CCDC15: variants seen among roughly 807,000 people sequenced by gnomAD.
The protein encoded by CCDC15 is coiled-coil domain-containing protein 15.
CCDC15 carries 105 observed loss-of-function variants against 114.5 expected under a neutral mutation model. The observed-to-expected ratio is 0.92, with a 90% confidence interval of 0.78 to 1.08. The LOEUF (loss-of-function observed/expected upper bound fraction) is 1.08. Ranked by LOEUF, CCDC15 falls within the 50% of genes least tolerant of loss-of-function variation. The pLI is 0.00. For missense variants in CCDC15, 1,105 were observed against 1,093.6 expected, an observed-to-expected ratio of 1.01 and a Z score of -0.15; for synonymous variants, 334 against 377.8, an observed-to-expected ratio of 0.88 and a Z score of 1.34.
At chr11:124,977,741 A>G (rs541270372) in intron 6 of CCDC15, 141 bp downstream of exon 6, 5 of 817,610 alleles carry the variant, frequency 6.1e-6, no homozygotes, top group Non-Finnish European at 8.6e-6. Flanking sequence ...ATACCATACA[A>G]TTCACCCATT....
At chr11:125,033,189 T>G (rs1255111056) in intron 13 of CCDC15, among the ~76,000 whole-genome samples, 1 of 152,202 alleles carries the variant, frequency 6.6e-6, no homozygotes, top group Non-Finnish European at 1.5e-5. Context: ...TTTGTCCACT[T>G]GACCTGGAAT....
chr11:124,986,935 T>C (rs1948176655), intron 7 of CCDC15, 47 bp downstream of exon 7: 2 of 1,489,112 alleles, frequency 1.3e-6, no homozygotes, highest in Admixed American at 2.5e-5. Flanking sequence ...GGACTAGGTA[T>C]TGCCAGTAAT....
intron 13 of CCDC15, among the ~76,000 whole-genome samples, chr11:125,023,547 C>T (rs1948675848): frequency 6.6e-6 from 1 of 151,920 alleles, no homozygotes; most frequent in African/African-American, 2.4e-5. Context: ...TGAAAAGATG[C>T]TCAAATCATA....
chr11:124,975,059 C>G lies in CCDC15; in HGVS notation c.517-37C>G, dbSNP rs1469294922. 4 of 1,347,264 alleles carry G rather than the reference C, an allele frequency of 3.0e-6. No homozygotes were observed. In the East Asian group the frequency reaches 9.8e-5, roughly 33 times the overall value. 83.5% of individuals were successfully genotyped at this position (1,347,264 alleles called of 1,614,324 possible). The stretch of plus-strand genomic sequence containing the variant: ...AGTGCATTTGGAATTAAAACTTATC[C>G]TGCTTTTGTTTGCTTTCTTCCCCCT... On this transcript the variant is annotated intron_variant, in intron 4 of 15. Transcript: ENST00000344762.
intron 4 of CCDC15, among the ~76,000 whole-genome samples, chr11:124,965,228 CT>C (rs1947753227): frequency 6.6e-6 from 1 of 152,178 alleles, no homozygotes; most frequent in South Asian, 2.1e-4. Flanking sequence ...ACCAGCTCCT[CT>C]TTGTACCTTT....
chr11:125,001,408 C>T (rs1948479788), intron 11 of CCDC15, among the ~76,000 whole-genome samples: 1 of 152,192 alleles, frequency 6.6e-6, no homozygotes, highest in Admixed American at 6.5e-5. Flanking sequence ...GACTATAATT[C>T]ACATATACAA....
At chr11:124,992,997 A>C (rs1282638330) in intron 10 of CCDC15, among the ~76,000 whole-genome samples, 172 bp from the exon 11 acceptor site, 1 of 149,382 alleles carries the variant, frequency 6.7e-6, no homozygotes, top group Non-Finnish European at 1.5e-5. Context: ...TTTTTTTTCT[A>C]CTTTGATGCA....
At chr11:124,964,503 CTT>C (rs1284656316) in intron 4 of CCDC15, among the ~76,000 whole-genome samples, 4 of 152,188 alleles carry the variant, frequency 2.6e-5, no homozygotes, top group African/African-American at 9.7e-5. Flanking sequence ...TATCCTGAGA[CTT>C]TGCTGAAGTT....
Position 125,038,995 on chromosome 11 carries a change from G to A in CCDC15, c.2660G>A (p.Cys887Tyr). Residue 887 changes from cysteine (C) to tyrosine (Y), a missense_variant, in exon 15 of 16, where the codon TGT (cysteine) becomes TAT (tyrosine). By Grantham distance (194) the Cys-to-Tyr change is radical. Coordinates refer to ENST00000344762, the MANE Select transcript of CCDC15 (RefSeq NM_025004.3). ...LYNITLPPLC[C>Y]CGPDFWDAHP... is the part of the protein sequence containing the mutation. ...AATATTACTTTACCTCCACTATGCT[G>A]TTGTGGTCCTGATTTTTGGGATGCT... 6.2e-7 allele frequency: 1 copy of A among 1,612,384 alleles called. No individual in the cohort carries two copies. Among genetic ancestry groups the A allele is most frequent in the South Asian group, 1.1e-5 (1 of 90,796 alleles).
Position 124,960,017 on chromosome 11 carries a change from C to A in CCDC15, c.516+14C>A, listed in dbSNP as rs2135429941. On this transcript the variant is annotated intron_variant, in intron 4 of 15. Transcript: ENST00000344762. ...CAAGCCCAGGCTGTAAGTACCTGTT[C>A]TTTTTATTTTATGTCTATGATATTT... 1 of 1,529,306 alleles carries A rather than the reference C, an allele frequency of 6.5e-7. No individual in the cohort carries two copies. Among genetic ancestry groups the A allele is most frequent in the Non-Finnish European group, 8.8e-7 (1 of 1,136,216 alleles). The allele number at this position is 1,529,306 out of a possible 1,614,324, so 94.7% of individuals were successfully genotyped here.
rs753271018 is a variant in CCDC15 at position 124,987,588 on chromosome 11, G to C, written c.1362G>C (p.Gln454His). ...YQDQDFLPRDQHVLHKDQDIL... is the reference protein window; with the variant it reads ...YQDQDFLPRDHHVLHKDQDIL... Reference sequence around the variant, plus strand: ...ACCAGGACTTCCTACCCAGAGACCAGCATGTTCTCCACAAAGACCAAGATA... The same window carrying C: ...ACCAGGACTTCCTACCCAGAGACCACCATGTTCTCCACAAAGACCAAGATA... Residue 454 changes from glutamine to histidine, a missense_variant, in exon 8 of 16, where the codon CAG becomes CAC. Coordinates refer to ENST00000344762, the MANE Select transcript of CCDC15 (RefSeq NM_025004.3). 21 of 1,613,602 alleles carry C rather than the reference G, an allele frequency of 1.3e-5. No homozygotes were observed. The highest frequency in any genetic ancestry group is 1.8e-5 in the Non-Finnish European group (21 of 1,179,796).
chr11:125,039,154 T>G lies in CCDC15; in HGVS notation c.2734+85T>G, dbSNP rs11219872. The G allele has an allele frequency of 1.6e-4, 201 of 1,293,810 alleles. 1 individual carries two copies. The East Asian group carries it at 3.5e-3, about 22-fold the overall frequency. 80.1% of individuals were successfully genotyped at this position (1,293,810 alleles called of 1,614,324 possible). On this transcript the variant is annotated intron_variant, in intron 15 of 15. Coordinates refer to ENST00000344762, the MANE Select transcript of CCDC15 (RefSeq NM_025004.3). ...GTGGTAATAGTAATTTACCATTTAT[T>G]GAGTGCTTACTATGTATCAGAGACT...
intron 11 of CCDC15, among the ~76,000 whole-genome samples, chr11:124,998,715 G>A (rs1469731094): frequency 2.7e-5 from 4 of 147,898 alleles, no homozygotes; most frequent in African/African-American, 1.0e-4. Flanking sequence ...ATGTTTTTAT[G>A]AAAAACTTGA....
intron 13 of CCDC15, among the ~76,000 whole-genome samples, chr11:125,022,339 CT>C (rs957272475): frequency 3.3e-5 from 5 of 151,978 alleles, no homozygotes; most frequent in Admixed American, 2.0e-4. Flanking sequence ...CACTTCTCCC[CT>C]ATTACAACTT....
intron 8 of CCDC15, 122 bp downstream of exon 8, chr11:124,988,256 A>C: frequency 3.0e-6 from 3 of 990,606 alleles, no homozygotes; most frequent in Non-Finnish European, 4.4e-6. Context: ...AGGCCATTGC[A>C]ATAAAGCAAA....
intron 7 of CCDC15, 87 bp downstream of exon 7, chr11:124,986,975 C>T (rs951294715): frequency 1.1e-5 from 16 of 1,408,430 alleles, no homozygotes; most frequent in Non-Finnish European, 1.3e-5. Flanking sequence ...GTAGATTTAG[C>T]TTTTGTTAAG....
At chr11:124,995,722 G>A (rs990662736) in intron 11 of CCDC15, among the ~76,000 whole-genome samples, 1 of 152,080 alleles carries the variant, frequency 6.6e-6, no homozygotes, top group African/African-American at 2.4e-5. Flanking sequence ...ACACAAGAGG[G>A]GTACTTACTC....
intron 4 of CCDC15, among the ~76,000 whole-genome samples, chr11:124,961,373 A>G (rs1249368504): frequency 6.6e-6 from 1 of 152,202 alleles, no homozygotes; most frequent in East Asian, 1.9e-4. Flanking sequence ...TAGACCACTC[A>G]TTGTATCAGA....
chr11:125,007,905 T>C (rs563712359), intron 13 of CCDC15, among the ~76,000 whole-genome samples: 7 of 152,328 alleles, frequency 4.6e-5, no homozygotes, highest in African/African-American at 1.4e-4. Context: ...TTTGGTTCTA[T>C]ACCTGGGTGC....
Sources: allele counts gnomAD v4.1 joint callset (sites outside exome capture counted in the v4.1 genomes callset), GRCh38; gene constraint gnomAD v4.1.1; transcripts MANE v1.5; gene names NCBI Gene and HGNC (gene_info 2026-07-23, HGNC 2026-07-21).